ADAMTS17: variants seen among roughly 807,000 people sequenced by gnomAD.
The protein encoded by ADAMTS17 is ADAM metallopeptidase with thrombospondin type 1 motif 17.
A neutral mutation model predicts 141.5 loss-of-function variants in ADAMTS17; 113 were observed. That is an observed-to-expected ratio of 0.80 (90% CI 0.69 to 0.93). The LOEUF is 0.93. ADAMTS17 is among the 40% of genes least tolerant of loss of function. The probability of loss-of-function intolerance (pLI) is 0.00; values close to 1 mark genes in which losing one functional copy is unlikely to be tolerated. For synonymous variants in ADAMTS17, 768 were observed against 630.6 expected, an observed-to-expected ratio of 1.22 and a Z score of -3.27; for missense variants, 1,659 against 1,517.9, an observed-to-expected ratio of 1.09 and a Z score of -1.54.
intron 4 of ADAMTS17, among the ~76,000 whole-genome samples, chr15:100,267,532 C>G (rs2043759205): frequency 6.6e-6 from 1 of 151,872 alleles, no homozygotes; most frequent in Non-Finnish European, 1.5e-5. Flanking sequence ...TTTATAATGT[C>G]AACATTTACT....
intron 7 of ADAMTS17, among the ~76,000 whole-genome samples, chr15:100,253,581 TGAA>T (rs933845292): frequency 6.8e-6 from 1 of 147,932 alleles, no homozygotes; most frequent in African/African-American, 2.5e-5. Flanking sequence ...GAGGGGACGG[TGAA>T]GAAGGAAAGG....
intron 3 of ADAMTS17, among the ~76,000 whole-genome samples, chr15:100,315,743 C>T (rs1596505698): frequency 7.8e-6 from 1 of 128,952 alleles, no homozygotes; most frequent in East Asian, 2.0e-4. Flanking sequence ...CACACACACT[C>T]ACACACAGTC....
At chr15:100,165,826 G>GC (rs536745953) in intron 8 of ADAMTS17, among the ~76,000 whole-genome samples, 10 of 152,144 alleles carry the variant, frequency 6.6e-5, no homozygotes, top group Admixed American at 2.6e-4. Flanking sequence ...AAGAACCTCT[G>GC]CCCCCCCTCA....
At chr15:100,285,595 C>T (rs1002908415) in intron 3 of ADAMTS17, among the ~76,000 whole-genome samples, 1 of 152,216 alleles carries the variant, frequency 6.6e-6, no homozygotes, top group Non-Finnish European at 1.5e-5. Flanking sequence ...CTACCAACGC[C>T]ATTTCCAAGG....
At chr15:100,182,501 A>G (rs1049681429) in intron 8 of ADAMTS17, among the ~76,000 whole-genome samples, 2 of 152,136 alleles carry the variant, frequency 1.3e-5, no homozygotes, top group African/African-American at 4.8e-5. Context: ...CCAAGCACAG[A>G]GATTACCTCT....
chr15:100,217,181 C>T lies in ADAMTS17; in HGVS notation c.1076-17758G>A, dbSNP rs368852171. Among the ~76,000 whole-genome samples the T allele has an allele frequency of 1.8e-4, 28 of 152,208 alleles. No individual in the cohort carries two copies. In the East Asian group the frequency reaches 4.1e-3, roughly 22 times the overall value. Reference sequence around the variant, plus strand: ...TGTGTTTCCCACCAAAATGTCATCTCGGACAAGGCAGGCAAGGAACAGTCT... The same window carrying T: ...TGTGTTTCCCACCAAAATGTCATCTTGGACAAGGCAGGCAAGGAACAGTCT... On this transcript the variant is annotated intron_variant, in intron 7 of 21. Transcript: ENST00000268070.
rs779332859 is a variant in ADAMTS17, at chr15:100,109,146, C to A, written c.1889-30G>T. 4 of 1,589,036 alleles carry A rather than the reference C, an allele frequency of 2.5e-6. No individual in the cohort carries two copies. In the African/African-American group the frequency reaches 5.4e-5, roughly 21 times the overall value. ...GGAGGGAAAGGTTGGAGGACGTTGA[C>A]ACGGGAAGGTGTGCGTGGGCCATGC... On this transcript the variant is annotated intron_variant, in intron 13 of 21. Transcript: ENST00000268070.
chr15:100,152,787 A>T, intron 9 of ADAMTS17, 25 bp from the exon 10 acceptor site: 1 of 1,613,262 alleles, frequency 6.2e-7, no homozygotes, highest in Non-Finnish European at 8.5e-7. Flanking sequence ...AGGCAAGTTG[A>T]CTTGCAAATG....
chr15:100,154,429 G>A (rs1023433524), intron 9 of ADAMTS17, among the ~76,000 whole-genome samples: 5 of 152,100 alleles, frequency 3.3e-5, no homozygotes, highest in South Asian at 2.1e-4. Context: ...TGAATTCGTC[G>A]GGTACTTGAA....
At position 99,971,728 on chromosome 15, in the gene ADAMTS17, T is replaced by A; in HGVS notation, c.*2674A>T. 1 of 152,188 alleles carries A rather than the reference T, an allele frequency of 6.6e-6. No individual in the cohort carries two copies. The highest frequency in any genetic ancestry group is 2.4e-5 in the African/African-American group (1 of 41,536). The allele number at this position is 152,188 out of a possible 1,614,324, so 9.4% of individuals were successfully genotyped here. On this transcript the variant is annotated 3_prime_UTR_variant, in exon 22 of 22. Coordinates refer to ENST00000268070, the MANE Select transcript of ADAMTS17 (RefSeq NM_139057.4). ...ATCCAGCAACGGTCAGCTGAGAGGG[T>A]TTAATTTTGCACCAATAAAAATAGC...
chr15:100,196,851 C>T (rs2041137550), intron 8 of ADAMTS17, among the ~76,000 whole-genome samples: 1 of 152,202 alleles, frequency 6.6e-6, no homozygotes. Context: ...CCTCAGGGAT[C>T]TGCTTCCCAA....
At chr15:100,084,458 C>T (rs1311738582) in intron 15 of ADAMTS17, among the ~76,000 whole-genome samples, 3 of 152,238 alleles carry the variant, frequency 2.0e-5, no homozygotes, top group African/African-American at 7.2e-5. Context: ...CCTCTGCAGA[C>T]TTAAATGTCC....
chr15:100,331,990 G>A (rs1596541686), intron 2 of ADAMTS17, among the ~76,000 whole-genome samples: 1 of 152,078 alleles, frequency 6.6e-6, no homozygotes, highest in Non-Finnish European at 1.5e-5. Flanking sequence ...CCAGCTCTAC[G>A]TTCTGAAAGG....
chr15:100,153,852 C>T (rs891268122), intron 9 of ADAMTS17, among the ~76,000 whole-genome samples: 2 of 152,132 alleles, frequency 1.3e-5, no homozygotes, highest in African/African-American at 4.8e-5. Flanking sequence ...ACACACACTA[C>T]TTGTCACCAG....
intron 12 of ADAMTS17, 37 bp downstream of exon 12, chr15:100,131,970 C>A: frequency 6.2e-7 from 1 of 1,613,952 alleles, no homozygotes; most frequent in Non-Finnish European, 8.5e-7. Flanking sequence ...AAACTCCAAT[C>A]GTGGCACGTT....
chr15:100,084,532 G>C (rs957900925), intron 15 of ADAMTS17, among the ~76,000 whole-genome samples: 5 of 152,222 alleles, frequency 3.3e-5, no homozygotes, highest in African/African-American at 1.2e-4. Context: ...CTGAGAACAG[G>C]CAGACTGCCT....
chr15:100,108,390 G>A (rs2036538054), intron 14 of ADAMTS17, among the ~76,000 whole-genome samples: 1 of 152,150 alleles, frequency 6.6e-6, no homozygotes. Context: ...TGGCCAGGCT[G>A]GTCTTGAACT....
chr15:100,096,486 C>A lies in ADAMTS17; in HGVS notation c.2017-10G>T, dbSNP rs765531556. On this transcript the variant is annotated splice_polypyrimidine_tract_variant and intron_variant, in intron 14 of 21. Transcript: ENST00000268070. ...CGTCACAGCCGATTTTCTAAAGAAC[C>A]AGAGGGCCTCATTATTCTGTGGTTA... The A allele has an allele frequency of 6.2e-7, 1 of 1,614,058 alleles. No homozygotes were observed. Among genetic ancestry groups the A allele is most frequent in the South Asian group, 1.1e-5 (1 of 91,086 alleles).
intron 8 of ADAMTS17, among the ~76,000 whole-genome samples, chr15:100,159,590 G>A (rs1392292763): frequency 1.3e-5 from 2 of 152,236 alleles, no homozygotes; most frequent in East Asian, 1.9e-4. Flanking sequence ...ATGTACAGAG[G>A]TTATAGAAAT....
Sources: gnomAD v4.1 joint callset for allele counts (sites outside exome capture counted in the v4.1 genomes callset) on GRCh38, gnomAD v4.1.1 for gene constraint, MANE v1.5 for transcripts, NCBI Gene and HGNC (gene_info 2026-07-23, HGNC 2026-07-21) for gene names.